CCR3: variants seen among roughly 807,000 people sequenced by gnomAD.
CCR3 encodes the protein C-C motif chemokine receptor 3, also known as C-C chemokine receptor type 3.
For missense variants in CCR3, 419 were observed against 437.5 expected, an observed-to-expected ratio of 0.96 and a Z score of 0.38; for synonymous variants, 203 against 179.2, an observed-to-expected ratio of 1.13 and a Z score of -1.06.
At chr3:46,233,730 A>G (rs1011181740) in intron 2 of CCR3, among the ~76,000 whole-genome samples, 13 of 152,182 alleles carry the variant, frequency 8.5e-5, no homozygotes, top group African/African-American at 2.7e-4. Context: ...GCCATTCTGG[A>G]CCTTGGGGAA....
intron 1 of CCR3, among the ~76,000 whole-genome samples, chr3:46,254,299 T>C (rs555187312): frequency 2.6e-5 from 4 of 152,330 alleles, no homozygotes; most frequent in South Asian, 2.1e-4. Flanking sequence ...AAAGAAACTT[T>C]ACATTTGTCA....
intron 1 of CCR3, among the ~76,000 whole-genome samples, chr3:46,259,638 T>C (rs776668900): frequency 2.6e-5 from 4 of 152,244 alleles, no homozygotes; most frequent in Admixed American, 6.5e-5. Flanking sequence ...CTAACATCTC[T>C]CTTTTTATAA....
chr3:46,266,028 C>T lies in CCR3; in HGVS notation c.870C>T (p.Ala290=), dbSNP rs775542097. 4.3e-6 allele frequency: 7 copies of T among 1,613,950 alleles called. No individual in the cohort carries two copies. In the East Asian group the frequency reaches 8.9e-5, roughly 21 times the overall value. ...TCATGCTGGTGACAGAGGTGATCGC[C>T]TACTCCCACTGCTGCATGAACCCGG... ...DLVMLVTEVI[A]YSHCCMNPVI... Residue 290 remains alanine (A), a synonymous_variant, in exon 2 of 2, where the codon GCC becomes GCT. Coordinates refer to ENST00000395940, the MANE Select transcript of CCR3 (RefSeq NM_178329.3).
chr3:46,262,037 A>T (rs1468480177), intron 1 of CCR3, among the ~76,000 whole-genome samples: 1 of 152,204 alleles, frequency 6.6e-6, no homozygotes, highest in Non-Finnish European at 1.5e-5. Context: ...CCAACAGGAG[A>T]CAGGAACACC....
intron 1 of CCR3, among the ~76,000 whole-genome samples, chr3:46,250,815 T>G (rs552186256): frequency 6.7e-6 from 1 of 150,248 alleles, no homozygotes; most frequent in Non-Finnish European, 1.5e-5. Flanking sequence ...GGTTCAGGGG[T>G]TCTTACCCTC....
intron 2 of CCR3, among the ~76,000 whole-genome samples, chr3:46,231,028 G>A (rs1173567143): frequency 1.3e-5 from 2 of 152,216 alleles, no homozygotes; most frequent in Non-Finnish European, 2.9e-5. Context: ...GGGTTCAAAC[G>A]ATTCTCTTGC....
At chr3:46,257,079 A>T (rs893182126) in intron 1 of CCR3, among the ~76,000 whole-genome samples, 6 of 152,152 alleles carry the variant, frequency 3.9e-5, no homozygotes, top group African/African-American at 1.2e-4. Context: ...ACAGTTTATA[A>T]CTCCACTACT....
intron 1 of CCR3, among the ~76,000 whole-genome samples, chr3:46,242,984 T>TATATATATATATATATACAC (rs1700117539): frequency 9.3e-6 from 1 of 107,418 alleles, no homozygotes. Context: ...TATATACACA[T>TATATATATATATATATACAC]ATATATATAT....
intron 1 of CCR3, among the ~76,000 whole-genome samples, chr3:46,248,398 G>A (rs532907730): frequency 2.0e-4 from 30 of 152,320 alleles, no homozygotes; most frequent in African/African-American, 6.5e-4. Flanking sequence ...GCTGCTGCAT[G>A]CAGACATGAG....
intron 2 of CCR3, among the ~76,000 whole-genome samples, chr3:46,229,668 G>T (rs1171261880): frequency 1.3e-5 from 2 of 152,124 alleles, no homozygotes; most frequent in South Asian, 2.1e-4. Context: ...GATGTGTACA[G>T]CTGTCAAGAT....
chr3:46,232,387 C>T (rs1340705194), intron 2 of CCR3, among the ~76,000 whole-genome samples: 1 of 152,152 alleles, frequency 6.6e-6, no homozygotes, highest in Non-Finnish European at 1.5e-5. Context: ...CTGGGAAAGC[C>T]GGCAGAACCC....
At chr3:46,253,688 T>C (rs1212983442) in intron 1 of CCR3, among the ~76,000 whole-genome samples, 5 of 152,158 alleles carry the variant, frequency 3.3e-5, no homozygotes, top group Non-Finnish European at 5.9e-5. Context: ...TAAGGGAAAC[T>C]AGAATTACCG....
intron 1 of CCR3, among the ~76,000 whole-genome samples, chr3:46,247,789 A>T (rs1262804291): frequency 6.6e-6 from 1 of 152,186 alleles, no homozygotes; most frequent in African/African-American, 2.4e-5. Context: ...GACTCAGGGC[A>T]TGTTGAGTAA....
chr3:46,252,332 C>T (rs1338235526), intron 1 of CCR3, among the ~76,000 whole-genome samples: 3 of 150,702 alleles, frequency 2.0e-5, no homozygotes. Flanking sequence ...TGCACCACTA[C>T]TGCCCAGCTA....
At chr3:46,243,477 G>A (rs929759573) in intron 1 of CCR3, among the ~76,000 whole-genome samples, 1 of 152,104 alleles carries the variant, frequency 6.6e-6, no homozygotes, top group Non-Finnish European at 1.5e-5. Context: ...TGAGTCAGTT[G>A]ATTGATTTGG....
At position 46,265,350 on chromosome 3, in the gene CCR3, G is replaced by C. The variant is rs777396273; in HGVS notation, c.192G>C (p.Arg64Ser). The change falls in exon 2 of 2, where the codon AGG becomes AGC. Residue 64 changes from arginine to serine, a missense_variant. Coordinates refer to ENST00000395940, the MANE Select transcript of CCR3 (RefSeq NM_178329.3). The stretch of plus-strand genomic sequence containing the variant: ...TGATGATCCTCATAAAATACAGGAG[G>C]CTCCGAATTATGACCAACATCTACC... The part of the protein sequence containing the change: ...VVVMILIKYR[R>S]LRIMTNIYLL... 4 of 1,614,052 alleles carry C rather than the reference G, an allele frequency of 2.5e-6. No individual in the cohort carries two copies. Among genetic ancestry groups the C allele is most frequent in the South Asian group, 1.1e-5 (1 of 91,076 alleles).
At chr3:46,222,131 T>C (rs1353175909) in intron 2 of CCR3, among the ~76,000 whole-genome samples, 2 of 152,180 alleles carry the variant, frequency 1.3e-5, no homozygotes, top group African/African-American at 2.4e-5. Flanking sequence ...AAAGGACCCA[T>C]GTCTGAATTC....
intron 1 of CCR3, among the ~76,000 whole-genome samples, chr3:46,256,951 G>GTA (rs1700438824): frequency 1.3e-5 from 2 of 150,300 alleles, no homozygotes; most frequent in African/African-American, 2.4e-5. Flanking sequence ...TCACATTTGT[G>GTA]CACACACACA....
intron 2 of CCR3, among the ~76,000 whole-genome samples, chr3:46,224,805 A>T (rs1457823147): frequency 6.6e-6 from 1 of 151,968 alleles, no homozygotes; most frequent in African/African-American, 2.4e-5. Context: ...ACCAAGTATT[A>T]AAAAGGTTAT....
Sources: gnomAD v4.1 joint callset for allele counts (sites outside exome capture counted in the v4.1 genomes callset) on GRCh38, gnomAD v4.1.1 for gene constraint, MANE v1.5 for transcripts, NCBI Gene and HGNC (gene_info 2026-07-23, HGNC 2026-07-21) for gene names.